REXO5: variants seen among roughly 807,000 people sequenced by gnomAD.
The protein encoded by REXO5 is RNA exonuclease 5.
In REXO5, 48 loss-of-function variants were observed where a neutral mutation model predicts 88.5. The observed-to-expected ratio is 0.54, with a 90% confidence interval of 0.43 to 0.69. The LOEUF (loss-of-function observed/expected upper bound fraction) is 0.69, where lower values mean the gene tolerates loss of function less well. REXO5 is among the 30% of genes least tolerant of loss of function. The pLI, the probability that REXO5 is intolerant of heterozygous loss-of-function variation, is 0.00. For synonymous variants in REXO5, 311 were observed against 336.5 expected (o/e 0.92, Z 0.83); for missense variants, 749 against 912.2 (o/e 0.82, Z 2.30).
At chr16:20,814,776 C>A in intron 3 of REXO5, 151 bp from the exon 4 acceptor site, 1 of 676,398 alleles carries the variant, frequency 1.5e-6, no homozygotes, top group Non-Finnish European at 2.3e-6. Context: ...TAATGGCTGT[C>A]TTCCAGTTCC....
At chr16:20,813,889 G>A (rs1050893228) in intron 3 of REXO5, among the ~76,000 whole-genome samples, 3 of 151,542 alleles carry the variant, frequency 2.0e-5, no homozygotes, top group Non-Finnish European at 2.9e-5. Flanking sequence ...CGAGACTCAG[G>A]CCCTACAAAA....
intron 13 of REXO5, among the ~76,000 whole-genome samples, chr16:20,834,079 G>GC (rs1273106368): frequency 6.6e-6 from 1 of 152,006 alleles, no homozygotes; most frequent in Admixed American, 6.5e-5. Flanking sequence ...AGTAATGCAT[G>GC]CCCCCCTCCC....
In REXO5 at chr16:20,827,433, CA is replaced by C; in HGVS notation, c.1044del (p.Val349LeufsTer42). On this transcript the variant is annotated frameshift_variant, in exon 10 of 20. Transcript: ENST00000261377. LOFTEE classifies it high-confidence loss of function. ...GAAGATTTAAGCTCAAGTTCTTAGC[CA>C]AAGTTATTTTGGGGTAGGTTTGCTT... ...GRRFKLKFLA[K>X]VILGKDIQCP... 6.2e-7 allele frequency: 1 copy of C among 1,612,672 alleles called. No individual in the cohort carries two copies. Among genetic ancestry groups the C allele is most frequent in the Non-Finnish European group, 8.5e-7 (1 of 1,179,214 alleles).
chr16:20,845,937 C>A lies in REXO5; in HGVS notation c.2125-284C>A, dbSNP rs920038380. ...TTAATGGCAGAAGCCAGACTAGACCCCTCATCAGCAATGTGGCTCCCCTAG... is the reference window on the plus strand; with the variant it reads ...TTAATGGCAGAAGCCAGACTAGACCACTCATCAGCAATGTGGCTCCCCTAG... On this transcript the variant is annotated intron_variant, in intron 18 of 19. Coordinates refer to ENST00000261377, the MANE Select transcript of REXO5 (RefSeq NM_030941.3). 5.9e-5 allele frequency among the ~76,000 whole-genome samples: 9 copies of A among 152,236 alleles called. No individual in the cohort carries two copies. In the East Asian group the frequency reaches 1.7e-3, roughly 29 times the overall value.
At chr16:20,816,286 C>A in intron 5 of REXO5, 74 bp downstream of exon 5, 6 of 1,221,948 alleles carry the variant, frequency 4.9e-6, no homozygotes, top group South Asian at 1.3e-5. Context: ...AGGTTTAGCA[C>A]AACAAAACTC....
intron 11 of REXO5, 45 bp from the exon 12 acceptor site, chr16:20,832,111 A>G: frequency 7.8e-7 from 1 of 1,283,262 alleles, no homozygotes; most frequent in Non-Finnish European, 1.1e-6. Flanking sequence ...TGAGCATCAA[A>G]TGCTCTGCAA....
At chr16:20,834,120 G>A (rs927299885) in intron 13 of REXO5, among the ~76,000 whole-genome samples, 18 of 152,104 alleles carry the variant, frequency 1.2e-4, no homozygotes, top group South Asian at 2.1e-4. Context: ...TTTTAGGTTT[G>A]TGTGGTGTTT....
At position 20,806,636 on chromosome 16, in the gene REXO5, G is replaced by A. The variant is rs2080881384; in HGVS notation, c.-72G>A. ...GGGAGTGGTTTTAGGCGGCGAAGCC[G>A]CTCGGCAGCACCTTCCTTCTTTGCC... On this transcript the variant is annotated 5_prime_UTR_variant, in exon 1 of 20. Coordinates refer to ENST00000261377, the MANE Select transcript of REXO5 (RefSeq NM_030941.3). The A allele has an allele frequency of 2.4e-6, 3 of 1,257,040 alleles. No individual in the cohort carries two copies. Among genetic ancestry groups the A allele is most frequent in the South Asian group, 1.6e-5 (1 of 63,428 alleles). 77.9% of individuals were successfully genotyped at this position (1,257,040 alleles called of 1,614,324 possible). A position where few individuals can be genotyped will look rare whatever the true frequency, so the allele number is the denominator to read the frequency against.
rs564128122 is a variant in REXO5, at chr16:20,831,589, TA to T, written c.1159-558del. On this transcript the variant is annotated intron_variant, in intron 11 of 19. Transcript: ENST00000261377. ...TTTTTCTGTAAATCTAAACTGATTCTAAAAAAAAAGTTTATTTTTAAAATTT... is the reference window on the plus strand; with the variant it reads ...TTTTTCTGTAAATCTAAACTGATTCTAAAAAAAAGTTTATTTTTAAAATTT... Among the ~76,000 whole-genome samples the T allele has an allele frequency of 4.0e-3, 607 of 151,566 alleles. 7 individuals carry two copies. Among genetic ancestry groups the T allele is most frequent in the African/African-American group, 0.014 (578 of 41,368 alleles).
intron 13 of REXO5, among the ~76,000 whole-genome samples, chr16:20,837,112 T>G (rs1458777407): frequency 6.6e-6 from 1 of 152,194 alleles, no homozygotes; most frequent in African/African-American, 2.4e-5. Context: ...TTATAGTTTC[T>G]TAGGTGTTTG....
rs1264607914 is a variant in REXO5 at position 20,816,175 on chromosome 16, T to G, written c.438T>G (p.Thr146=). The G allele has an allele frequency of 6.2e-7, 1 of 1,613,986 alleles. No individual in the cohort carries two copies. Among genetic ancestry groups the G allele is most frequent in the African/African-American group, 1.3e-5 (1 of 74,910 alleles). ...DFLADVVGLQ[T]EQRAGDLPKT... ...TAGCTGATGTTGTTGGGCTACAAAC[T>G]GAACAAAGAGCTGGAGATCTGCCCA... The change falls in exon 5 of 20, where the codon ACT becomes ACG. Residue 146 remains threonine, a synonymous_variant. Coordinates refer to ENST00000261377, the MANE Select transcript of REXO5 (RefSeq NM_030941.3).
chr16:20,840,353 T>G lies in REXO5; in HGVS notation c.1511T>G (p.Ile504Arg). The change falls in exon 15 of 20, where the codon ATA (isoleucine) becomes AGA (arginine). Residue 504 changes from isoleucine (I) to arginine (R), a missense_variant. Physicochemically the swap from Ile to Arg is moderately conservative, Grantham distance 97. Coordinates refer to ENST00000261377, the MANE Select transcript of REXO5 (RefSeq NM_030941.3). ...NKRMRIKWTE[I>R]STVYAGPFSK... ...CAGATGAGGATCAAGTGGACAGAGA[T>G]ATCAACTGTCTATGCTGGGCCATTT... 1 of 1,561,744 alleles carries G rather than the reference T, an allele frequency of 6.4e-7. No individual in the cohort carries two copies. The highest frequency in any genetic ancestry group is 8.7e-7 in the Non-Finnish European group (1 of 1,143,588).
intron 18 of REXO5, among the ~76,000 whole-genome samples, chr16:20,845,580 CTTTTT>C (rs762472275): frequency 3.8e-4 from 57 of 152,000 alleles, no homozygotes; most frequent in Admixed American, 6.5e-4. Flanking sequence ...ATGGTCTTTT[CTTTTT>C]TGTTTTCACT....
chr16:20,810,587 G>A (rs1439721399), intron 2 of REXO5, among the ~76,000 whole-genome samples: 5 of 152,100 alleles, frequency 3.3e-5, no homozygotes, highest in African/African-American at 9.7e-5. Flanking sequence ...ATTTAGTGGA[G>A]ATGGCGTTTG....
At chr16:20,848,849 A>G (rs925627962) in intron 19 of REXO5, among the ~76,000 whole-genome samples, 2 of 152,256 alleles carry the variant, frequency 1.3e-5, no homozygotes, top group Non-Finnish European at 2.9e-5. Flanking sequence ...CTACAAAAGT[A>G]TGGAATGAAC....
Position 20,840,436 on chromosome 16 carries a change from C to A in REXO5, c.1594C>A (p.Gln532Lys). ...GCTGTTTAAAAGCTTTGGCCCAGTCCAGTCAATGACTTTTGTTCTTGAAAC... is the reference window on the plus strand; with the variant it reads ...GCTGTTTAAAAGCTTTGGCCCAGTCAAGTCAATGACTTTTGTTCTTGAAAC... ...KRLFKSFGPVQSMTFVLETRQ... is the reference protein window; with the variant it reads ...KRLFKSFGPVKSMTFVLETRQ... The change falls in exon 15 of 20, where the codon CAG becomes AAG. Residue 532 changes from glutamine to lysine, a missense_variant. By Grantham distance (53) the Gln-to-Lys change is moderately conservative. Coordinates refer to ENST00000261377, the MANE Select transcript of REXO5 (RefSeq NM_030941.3). The A allele has an allele frequency of 6.4e-7, 1 of 1,563,090 alleles. No homozygotes were observed. Among genetic ancestry groups the A allele is most frequent in the African/African-American group, 1.3e-5 (1 of 74,302 alleles).
In REXO5 at chr16:20,806,913, G is replaced by A. The variant is rs370157102; in HGVS notation, c.-2-39G>A. On this transcript the variant is annotated intron_variant, in intron 1 of 19. Coordinates refer to ENST00000261377, the MANE Select transcript of REXO5 (RefSeq NM_030941.3). ...AGGCGGCACGCGGGGGAATAGGGGC[G>A]CTGGAGTTTCCCCAGCTCTACCTCA... The A allele has an allele frequency of 4.5e-5, 70 of 1,550,416 alleles. No individual in the cohort carries two copies. The African/African-American group carries it at 8.7e-4, about 19-fold the overall frequency.
At chr16:20,813,525 A>G (rs1334423703) in intron 3 of REXO5, among the ~76,000 whole-genome samples, 1 of 152,120 alleles carries the variant, frequency 6.6e-6, no homozygotes, top group African/African-American at 2.4e-5. Context: ...CCAAAAACTC[A>G]AAGATGGCAG....
At chr16:20,841,837 C>G (rs2081532546) in intron 15 of REXO5, among the ~76,000 whole-genome samples, 1 of 152,110 alleles carries the variant, frequency 6.6e-6, no homozygotes, top group Non-Finnish European at 1.5e-5. Flanking sequence ...AACTCCTGAC[C>G]TCAAGTGATC....
Sources: allele counts gnomAD v4.1 joint callset (sites outside exome capture counted in the v4.1 genomes callset), GRCh38; gene constraint gnomAD v4.1.1; transcripts MANE v1.5; gene names NCBI Gene and HGNC (gene_info 2026-07-23, HGNC 2026-07-21).